The following AUTS2 variants were observed in gnomAD, a reference collection of about 807,000 sequenced individuals.
AUTS2 encodes the protein activator of transcription and developmental regulator AUTS2.
Under a neutral mutation model 112.4 loss-of-function variants are expected in AUTS2, and 17 were observed. The ratio of observed to expected loss-of-function variants is 0.15; its 90% CI spans 0.10 to 0.23. AUTS2 has a LOEUF of 0.23. Among genes scored for constraint, AUTS2 ranks in the 10% least tolerant of loss-of-function variants. AUTS2 has a pLI of 1.00. For missense variants in AUTS2, 1,510 were observed against 1,701.6 expected (o/e 0.89, Z 1.98); for synonymous variants, 751 against 702.7 (o/e 1.07, Z -1.09).
chr7:70,717,786 A>G (rs1159438477), intron 6 of AUTS2, among the ~76,000 whole-genome samples: 3 of 152,128 alleles, frequency 2.0e-5, no homozygotes, highest in Non-Finnish European at 4.4e-5. Flanking sequence ...TTTTTGGCAG[A>G]GTATCACTGT....
chr7:69,798,971 A>G (rs1316896863), intron 1 of AUTS2, among the ~76,000 whole-genome samples: 1 of 152,078 alleles, frequency 6.6e-6, no homozygotes, highest in Non-Finnish European at 1.5e-5. Flanking sequence ...AGCCTGGGCA[A>G]CAGAGCGAAA....
intron 4 of AUTS2, among the ~76,000 whole-genome samples, chr7:70,238,445 GTGGACTGCC>G (rs1686655658): frequency 6.6e-6 from 1 of 152,140 alleles, no homozygotes; most frequent in African/African-American, 2.4e-5. Flanking sequence ...CTCTTAGATC[GTGGACTGCC>G]TGCTCCCTCC....
At chr7:70,764,619 A>G (rs533939348) in intron 7 of AUTS2, 133 bp from the exon 8 acceptor site, 26 of 629,340 alleles carry the variant, frequency 4.1e-5, no homozygotes, top group African/African-American at 3.1e-4. Context: ...TCGTACAGGG[A>G]GGATCTGTAA....
chr7:70,413,148 C>A (rs970978319), intron 4 of AUTS2, among the ~76,000 whole-genome samples: 2 of 152,236 alleles, frequency 1.3e-5, no homozygotes, highest in Non-Finnish European at 2.9e-5. Flanking sequence ...TCCAAGGAGT[C>A]CTGTTCCCAG....
In AUTS2 at chr7:69,641,640, G is replaced by A. The variant is rs570751681; in HGVS notation, c.309+41678G>A. The stretch of plus-strand genomic sequence containing the variant: ...TTATGGAAGACAGATTGGACAGGTG[G>A]TGGTATTATTAGCATTTTCTCTCAA... On this transcript the variant is annotated intron_variant, in intron 1 of 18. Coordinates refer to ENST00000342771, the MANE Select transcript of AUTS2 (RefSeq NM_015570.4). 4.6e-5 allele frequency among the ~76,000 whole-genome samples: 7 copies of A among 152,310 alleles called. No individual in the cohort carries two copies. The East Asian group carries it at 1.2e-3, about 25-fold the overall frequency.
intron 4 of AUTS2, chr7:70,290,504 T>C (rs1788660825): frequency 6.5e-7 from 1 of 1,540,874 alleles, no homozygotes; most frequent in African/African-American, 1.4e-5. Context: ...CTTAAAGGAT[T>C]CTAGTTCCGT....
intron 1 of AUTS2, among the ~76,000 whole-genome samples, chr7:69,729,428 C>G (rs1343366689): frequency 6.8e-6 from 1 of 146,338 alleles, no homozygotes; most frequent in Non-Finnish European, 1.5e-5. Context: ...CACCCCCCCC[C>G]CCATTTTTAT....
intron 5 of AUTS2, among the ~76,000 whole-genome samples, chr7:70,518,706 TTTTG>T (rs568300078): frequency 4.6e-5 from 7 of 150,946 alleles, no homozygotes; most frequent in African/African-American, 1.7e-4. Flanking sequence ...AAATGTGTCG[TTTTG>T]TTTGTTTGTT....
intron 4 of AUTS2, among the ~76,000 whole-genome samples, chr7:70,148,970 G>A (rs565331437): frequency 1.3e-5 from 2 of 152,072 alleles, no homozygotes; most frequent in South Asian, 4.2e-4. Context: ...TCAGACTCAG[G>A]TATTACAAAG....
chr7:70,065,136 T>G (rs576881046), intron 2 of AUTS2, among the ~76,000 whole-genome samples: 1 of 152,228 alleles, frequency 6.6e-6, no homozygotes, highest in East Asian at 1.9e-4. Context: ...CAAATCACTC[T>G]TGGAAATCTG....
chr7:69,898,316 A>T lies in AUTS2; in HGVS notation c.310-970A>T, dbSNP rs978274119. 3.9e-5 allele frequency among the ~76,000 whole-genome samples: 6 copies of T among 152,308 alleles called. No homozygotes were observed. In the East Asian group the frequency reaches 1.2e-3, roughly 29 times the overall value. On this transcript the variant is annotated intron_variant, in intron 1 of 18. Transcript: ENST00000342771. The stretch of plus-strand genomic sequence containing the variant: ...GGATTAGATCCACTAGTTTCCAAAT[A>T]ACTGAGTGCCAAAACATTTTCATTT...
intron 4 of AUTS2, among the ~76,000 whole-genome samples, chr7:70,243,617 AAT>A (rs1165333120): frequency 6.6e-6 from 1 of 152,166 alleles, no homozygotes; most frequent in African/African-American, 2.4e-5. Context: ...CTCAAAGAGA[AAT>A]AGTCTGTTTC....
chr7:70,741,398 A>G (rs1472663497), intron 6 of AUTS2, among the ~76,000 whole-genome samples: 3 of 152,026 alleles, frequency 2.0e-5, no homozygotes, highest in Non-Finnish European at 2.9e-5. Context: ...CTAAATGGTT[A>G]AGAAATAAAT....
intron 1 of AUTS2, among the ~76,000 whole-genome samples, chr7:69,743,866 A>G (rs768253321): frequency 1.4e-4 from 21 of 152,168 alleles, no homozygotes; most frequent in Non-Finnish European, 2.9e-4. Context: ...GAACGATCAT[A>G]GCTCACTATA....
intron 5 of AUTS2, among the ~76,000 whole-genome samples, chr7:70,621,024 G>A (rs1315221015): frequency 6.6e-6 from 1 of 152,250 alleles, no homozygotes; most frequent in Non-Finnish European, 1.5e-5. Flanking sequence ...AGGGGCCGCG[G>A]TATGGCGGCG....
At chr7:70,695,339 G>A (rs920020409) in intron 5 of AUTS2, among the ~76,000 whole-genome samples, 4 of 152,230 alleles carry the variant, frequency 2.6e-5, no homozygotes, top group Non-Finnish European at 5.9e-5. Flanking sequence ...AAGCTCCGAT[G>A]TGAGGAGGGG....
chr7:70,720,785 C>T (rs899052607), intron 6 of AUTS2, among the ~76,000 whole-genome samples: 1 of 152,114 alleles, frequency 6.6e-6, no homozygotes, highest in African/African-American at 2.4e-5. Context: ...CATTGTTCTG[C>T]TTTGTTAAGA....
At chr7:70,612,690 C>A (rs1051127718) in intron 5 of AUTS2, among the ~76,000 whole-genome samples, 4 of 152,014 alleles carry the variant, frequency 2.6e-5, no homozygotes, top group Non-Finnish European at 5.9e-5. Flanking sequence ...GGCAATGTAT[C>A]CACCCTCACT....
chr7:70,623,262 G>T (rs568018968), intron 5 of AUTS2, among the ~76,000 whole-genome samples: 36 of 152,300 alleles, frequency 2.4e-4, no homozygotes, highest in African/African-American at 8.7e-4. Flanking sequence ...TCAAGTGCCT[G>T]ACAGGAGTTT....
Sources: gnomAD v4.1 joint callset for allele counts (sites outside exome capture counted in the v4.1 genomes callset) on GRCh38, gnomAD v4.1.1 for gene constraint, MANE v1.5 for transcripts, NCBI Gene and HGNC (gene_info 2026-07-23, HGNC 2026-07-21) for gene names.